COL11A1: variants seen among roughly 807,000 people sequenced by gnomAD.
COL11A1 encodes collagen alpha-1(XI) chain.
In COL11A1, 74 loss-of-function variants were observed where a neutral mutation model predicts 265.2. That is an observed-to-expected ratio of 0.28 (90% CI 0.23 to 0.34). COL11A1 has a LOEUF of 0.34. COL11A1 is among the 10% of genes least tolerant of loss of function. The probability of loss-of-function intolerance (pLI) is 1.00; values close to 1 mark genes in which losing one functional copy is unlikely to be tolerated. For synonymous variants in COL11A1, 816 were observed against 727.6 expected (o/e 1.12, Z -1.96); for missense variants, 2,165 against 2,263.6 (o/e 0.96, Z 0.88).
At chr1:102,977,241 T>C (rs1662579975) in intron 35 of COL11A1, among the ~76,000 whole-genome samples, 1 of 152,168 alleles carries the variant, frequency 6.6e-6, no homozygotes, top group Non-Finnish European at 1.5e-5. Context: ...TTAAAAATTC[T>C]TGGCAGAAAA....
intron 54 of COL11A1, among the ~76,000 whole-genome samples, chr1:102,909,199 C>T (rs1349514942): frequency 6.6e-6 from 1 of 151,972 alleles, no homozygotes; most frequent in African/African-American, 2.4e-5. Context: ...TCTGTTAGTT[C>T]CTGAGAGAGC....
At chr1:102,938,434 T>C (rs1417715833) in intron 44 of COL11A1, among the ~76,000 whole-genome samples, 1 of 152,100 alleles carries the variant, frequency 6.6e-6, no homozygotes, top group East Asian at 1.9e-4. Flanking sequence ...AGATATTCTT[T>C]AGAGAGTATA....
intron 26 of COL11A1, 96 bp downstream of exon 26, chr1:102,996,984 T>C: frequency 9.9e-7 from 1 of 1,006,068 alleles, no homozygotes; most frequent in Non-Finnish European, 1.6e-6. Context: ...AAAATAACTA[T>C]ATGAACGTGA....
Position 102,898,771 on chromosome 1 carries a change from C to T in COL11A1, c.4143G>A (p.Gly1381=). 3 of 1,612,366 alleles carry T rather than the reference C, an allele frequency of 1.9e-6. No homozygotes were observed. Among genetic ancestry groups the T allele is most frequent in the Admixed American group, 1.7e-5 (1 of 59,946 alleles). The change falls in exon 56 of 67, where the codon GGG becomes GGA. Residue 1381 remains glycine (G), a splice_region_variant and synonymous_variant. Transcript: ENST00000370096. ...CAGGAGGACCTTCTGCACCTGCTTC[C>T]CCCTGTTAGAAAGTAAAATATGGGA... is the stretch of plus-strand genomic sequence containing the variant. ...EGRQGEKGAK[G]EAGAEGPPGK...
chr1:103,072,934 T>C (rs939582009), intron 4 of COL11A1, among the ~76,000 whole-genome samples: 2 of 151,812 alleles, frequency 1.3e-5, no homozygotes, highest in Non-Finnish European at 3.0e-5. Context: ...TGGTCAAAGA[T>C]TGTAAAAGAT....
chr1:102,969,002 G>A (rs1661699301), intron 37 of COL11A1, among the ~76,000 whole-genome samples: 2 of 152,190 alleles, frequency 1.3e-5, no homozygotes, highest in South Asian at 4.1e-4. Context: ...TGATTTGGCT[G>A]AAAGATTTGA....
intron 54 of COL11A1, among the ~76,000 whole-genome samples, chr1:102,903,828 G>A (rs954430535): frequency 1.3e-5 from 2 of 152,144 alleles, no homozygotes; most frequent in Non-Finnish European, 2.9e-5. Flanking sequence ...CCTCACATAT[G>A]TACAGTGTAT....
intron 43 of COL11A1, among the ~76,000 whole-genome samples, chr1:102,939,435 G>A (rs1658489609): frequency 2.0e-5 from 3 of 152,086 alleles, no homozygotes; most frequent in South Asian, 2.1e-4. Context: ...CTAGGTTCTG[G>A]GTCGCGCACC....
At chr1:103,060,165 A>T (rs113930798) in intron 4 of COL11A1, among the ~76,000 whole-genome samples, 3 of 152,122 alleles carry the variant, frequency 2.0e-5, no homozygotes, top group African/African-American at 7.2e-5. Context: ...CATCTGACTT[A>T]TCAGAAATCA....
At chr1:102,917,881 T>C (rs935883235) in intron 49 of COL11A1, among the ~76,000 whole-genome samples, 4 of 151,680 alleles carry the variant, frequency 2.6e-5, no homozygotes, top group African/African-American at 9.7e-5. Flanking sequence ...TAGAATAATA[T>C]ATTAATATTC....
In COL11A1 at chr1:103,108,405, G is replaced by A. The variant is rs2102454831; in HGVS notation, c.-227C>T. On this transcript the variant is annotated 5_prime_UTR_variant, in exon 1 of 67. Coordinates refer to ENST00000370096, the MANE Select transcript of COL11A1 (RefSeq NM_001854.4). Reference sequence around the variant, plus strand: ...TTGGCCCCACCGGCCGGGACCCTCCGGCCGCGACCCTCTGATCCTTCCTCT... The same window carrying A: ...TTGGCCCCACCGGCCGGGACCCTCCAGCCGCGACCCTCTGATCCTTCCTCT... 4 of 611,224 alleles carry A rather than the reference G, an allele frequency of 6.5e-6. No homozygotes were observed. The highest frequency in any genetic ancestry group is 2.7e-5 in the East Asian group (1 of 36,532). The allele number at this position is 611,224 out of a possible 1,614,324, so 37.9% of individuals were successfully genotyped here.
At chr1:102,940,994 A>T (rs1042009963) in intron 42 of COL11A1, among the ~76,000 whole-genome samples, 26 of 152,286 alleles carry the variant, frequency 1.7e-4, no homozygotes, top group South Asian at 4.1e-4. Context: ...TCTGTTTCCG[A>T]TAAAATATAT....
chr1:103,042,956 ATGAAATAGATCATATATG>A (rs1668930226), intron 4 of COL11A1, among the ~76,000 whole-genome samples: 2 of 147,860 alleles, frequency 1.4e-5, no homozygotes, highest in Admixed American at 1.4e-4. Context: ...CATCATATAT[ATGAAATAGATCATATATG>A]TGAAATATAT....
At chr1:103,071,727 C>A (rs1671605035) in intron 4 of COL11A1, among the ~76,000 whole-genome samples, 1 of 149,510 alleles carries the variant, frequency 6.7e-6, no homozygotes, top group East Asian at 1.9e-4. Flanking sequence ...ACAGATGGGT[C>A]ACTGTTAGTT....
At chr1:103,046,222 T>G (rs1669253445) in intron 4 of COL11A1, among the ~76,000 whole-genome samples, 1 of 139,680 alleles carries the variant, frequency 7.2e-6, no homozygotes, top group African/African-American at 2.7e-5. Context: ...TGAACTAGTT[T>G]ACAGTCCCAC....
At chr1:103,106,807 T>G (rs1415355) in intron 1 of COL11A1, among the ~76,000 whole-genome samples, 150,894 of 152,240 alleles carry the variant, frequency 0.99, 74,792 homozygotes, top group East Asian at 1. Context: ...TAACCTGGTC[T>G]CAGAGATCGG....
chr1:102,967,279 C>A (rs1661517314), intron 37 of COL11A1, among the ~76,000 whole-genome samples: 1 of 108,328 alleles, frequency 9.2e-6, no homozygotes, highest in Admixed American at 1.4e-4. Context: ...CTCGCTCTGT[C>A]GCCCAGGCTG....
rs79930130 is a variant in COL11A1 at position 102,886,048 on chromosome 1, C to A, written c.4858+759G>T. ...ACATTATATGATTGGTAGTGCAAAACAATATTTTCTACAGAGTAAAGGGGA... is the reference window on the plus strand; with the variant it reads ...ACATTATATGATTGGTAGTGCAAAAAAATATTTTCTACAGAGTAAAGGGGA... On this transcript the variant is annotated intron_variant, in intron 63 of 66. Coordinates refer to ENST00000370096, the MANE Select transcript of COL11A1 (RefSeq NM_001854.4). Among the ~76,000 whole-genome samples, 23 of 152,118 alleles carry A rather than the reference C, an allele frequency of 1.5e-4. 1 individual carries two copies. The East Asian group carries it at 4.2e-3, about 28-fold the overall frequency.
chr1:103,008,161 ACT>A (rs997778263), intron 15 of COL11A1, among the ~76,000 whole-genome samples: 8 of 152,040 alleles, frequency 5.3e-5, no homozygotes, highest in Non-Finnish European at 8.8e-5. Flanking sequence ...GAAAAAATAA[ACT>A]CTCTACATTT....
Sources: allele counts gnomAD v4.1 joint callset (sites outside exome capture counted in the v4.1 genomes callset), GRCh38; gene constraint gnomAD v4.1.1; transcripts MANE v1.5; gene names NCBI Gene and HGNC (gene_info 2026-07-23, HGNC 2026-07-21).